The following GAS7 variants were observed in gnomAD, a reference collection of about 807,000 sequenced individuals.
The protein encoded by GAS7 is growth arrest specific 7.
GAS7 carries 28 observed loss-of-function variants against 71.1 expected under a neutral mutation model. That is an observed-to-expected ratio of 0.39 (90% CI 0.29 to 0.54). The LOEUF (loss-of-function observed/expected upper bound fraction) is 0.54, where lower values mean the gene tolerates loss of function less well. GAS7 is among the 20% of genes least tolerant of loss of function. The pLI is 0.62. For synonymous variants in GAS7, 258 were observed against 245.8 expected, an observed-to-expected ratio of 1.05 and a Z score of -0.46; for missense variants, 436 against 627.8, an observed-to-expected ratio of 0.69 and a Z score of 3.27.
At chr17:9,955,883 G>A (rs1286913565) in intron 5 of GAS7, among the ~76,000 whole-genome samples, 3 of 152,198 alleles carry the variant, frequency 2.0e-5, no homozygotes, top group African/African-American at 7.2e-5. Context: ...GGTAAATGGA[G>A]TGACACCCCC....
chr17:10,010,326 G>A (rs9912422), intron 2 of GAS7, among the ~76,000 whole-genome samples: 36,018 of 151,702 alleles, frequency 0.24, 6,045 homozygotes, highest in African/African-American at 0.48. Flanking sequence ...AAATTTTTGT[G>A]TTTTTTTAGT....
intron 1 of GAS7, among the ~76,000 whole-genome samples, chr17:10,032,692 C>A (rs557603160): frequency 2.1e-4 from 32 of 152,312 alleles, no homozygotes; most frequent in African/African-American, 7.2e-4. Flanking sequence ...ACAAAAGAGA[C>A]GACAGAGGCC....
chr17:9,924,463 C>A (rs1377269462), intron 11 of GAS7, among the ~76,000 whole-genome samples: 1 of 152,108 alleles, frequency 6.6e-6, no homozygotes, highest in Non-Finnish European at 1.5e-5. Context: ...TTAGCCACTG[C>A]ACCTGGCCTA....
intron 2 of GAS7, among the ~76,000 whole-genome samples, chr17:10,006,157 A>G (rs1264929490): frequency 6.6e-6 from 1 of 152,068 alleles, no homozygotes; most frequent in East Asian, 1.9e-4. Flanking sequence ...TAGAAGAGAA[A>G]AATGAAAGAA....
chr17:10,018,775 C>T (rs2072142751), intron 2 of GAS7, among the ~76,000 whole-genome samples: 1 of 152,124 alleles, frequency 6.6e-6, no homozygotes, highest in African/African-American at 2.4e-5. Flanking sequence ...GTAACGATAC[C>T]CCCAGGTGGG....
chr17:9,941,063 C>T (rs1200558753), intron 7 of GAS7, among the ~76,000 whole-genome samples: 6 of 152,200 alleles, frequency 3.9e-5, no homozygotes, highest in African/African-American at 9.7e-5. Flanking sequence ...GCTGCTCAAG[C>T]AGCTGGCACC....
At chr17:9,975,092 C>T (rs2018924) in intron 3 of GAS7, among the ~76,000 whole-genome samples, 76,815 of 152,080 alleles carry the variant, frequency 0.51, 20,486 homozygotes, top group African/African-American at 0.66. Flanking sequence ...CGGTGGCTCA[C>T]GCCTGAAATC....
rs1473984601 is a variant in GAS7, at chr17:10,025,301, ACCTTAAAGT to A, written c.184-5413_184-5405del. 9.9e-5 allele frequency among the ~76,000 whole-genome samples: 15 copies of A among 151,978 alleles called. No individual in the cohort carries two copies. The East Asian group carries it at 2.7e-3, about 28-fold the overall frequency. ...TTGTTCTAGAGACTTCTATCCAGTTACCTTAAAGTTGGGCCACATCTCTCCCCAGCTACA... is the reference window on the plus strand; with the variant it reads ...TTGTTCTAGAGACTTCTATCCAGTTATGGGCCACATCTCTCCCCAGCTACA... On this transcript the variant is annotated intron_variant, in intron 1 of 13. Coordinates refer to ENST00000432992, the MANE Select transcript of GAS7 (RefSeq NM_201433.2).
intron 3 of GAS7, among the ~76,000 whole-genome samples, chr17:9,978,775 G>T (rs2070301690): frequency 6.6e-6 from 1 of 152,152 alleles, no homozygotes; most frequent in Non-Finnish European, 1.5e-5. Flanking sequence ...AATGACACAG[G>T]ACTCTTCATG....
intron 1 of GAS7, among the ~76,000 whole-genome samples, chr17:10,185,260 G>A (rs1398701586): frequency 1.3e-5 from 2 of 152,162 alleles, no homozygotes; most frequent in Non-Finnish European, 2.9e-5. Context: ...ATAAGCTTCT[G>A]GGTTGCTGAA....
At position 9,969,769 on chromosome 17, in the gene GAS7, G is replaced by A; in HGVS notation, c.386-7C>T. The A allele has an allele frequency of 6.3e-7, 1 of 1,589,530 alleles. No individual in the cohort carries two copies. Reference sequence around the variant, plus strand: ...GATGCGTGGTATCCATTCACTGCAGGGACAGAGACACGGCTCAGATGCTGT... The same window carrying A: ...GATGCGTGGTATCCATTCACTGCAGAGACAGAGACACGGCTCAGATGCTGT... On this transcript the variant is annotated splice_region_variant and splice_polypyrimidine_tract_variant and intron_variant, in intron 3 of 13. Coordinates refer to ENST00000432992, the MANE Select transcript of GAS7 (RefSeq NM_201433.2). The surrounding 1 kb of genome is among the most constrained non-coding windows in gnomAD (Gnocchi z 5.5).
intron 1 of GAS7, among the ~76,000 whole-genome samples, chr17:10,116,599 G>C (rs2073863862): frequency 6.6e-6 from 1 of 152,162 alleles, no homozygotes; most frequent in South Asian, 2.1e-4. Flanking sequence ...CTTGCGGGTA[G>C]GGAGTGGGTC....
intron 2 of GAS7, among the ~76,000 whole-genome samples, chr17:9,984,851 C>T (rs539308811): frequency 3.3e-5 from 5 of 152,264 alleles, no homozygotes; most frequent in South Asian, 4.1e-4. Flanking sequence ...GCAAAAGCAG[C>T]GAGGTGGGCA....
chr17:10,110,330 T>C (rs534378126), intron 1 of GAS7, among the ~76,000 whole-genome samples: 45 of 152,260 alleles, frequency 3.0e-4, no homozygotes, highest in African/African-American at 1.1e-3. Flanking sequence ...CACTGATATG[T>C]AGGAGCTAAA....
At chr17:10,060,080 G>A (rs867532763) in intron 1 of GAS7, among the ~76,000 whole-genome samples, 1 of 152,108 alleles carries the variant, frequency 6.6e-6, no homozygotes, top group Non-Finnish European at 1.5e-5. Flanking sequence ...TGCTCCTTCC[G>A]GTCTAGAGTG....
At position 10,026,097 on chromosome 17, in the gene GAS7, A is replaced by C. The variant is rs530323642; in HGVS notation, c.184-6200T>G. On this transcript the variant is annotated intron_variant, in intron 1 of 13. Coordinates refer to ENST00000432992, the MANE Select transcript of GAS7 (RefSeq NM_201433.2). This position sits in a 1 kb window ranked among gnomAD's most constrained non-coding sequence, Gnocchi z 4.5. ...CAAGTTCAACCCGGATGCCACCTCC[A>C]CCTCCGGGACTCTCTCCCCCTCCGG... 2.5e-3 allele frequency: 2,234 copies of C among 905,818 alleles called. 4 individuals carry two copies. The highest frequency in any genetic ancestry group is 2.8e-3 in the Non-Finnish European group (2,085 of 757,540). 56.1% of individuals were successfully genotyped at this position (905,818 alleles called of 1,614,324 possible).
chr17:10,033,798 A>C (rs1405481837), intron 1 of GAS7, among the ~76,000 whole-genome samples: 2 of 152,196 alleles, frequency 1.3e-5, no homozygotes, highest in Non-Finnish European at 2.9e-5. Flanking sequence ...GCAGGCACTG[A>C]AGGAAAATGG....
chr17:10,154,062 T>A (rs905725698), intron 1 of GAS7, among the ~76,000 whole-genome samples: 2 of 152,152 alleles, frequency 1.3e-5, no homozygotes, highest in African/African-American at 4.8e-5. Context: ...TCCAAATAAT[T>A]TCATCATGGG....
chr17:9,948,383 C>T (rs1442722941), intron 5 of GAS7, among the ~76,000 whole-genome samples: 1 of 152,180 alleles, frequency 6.6e-6, no homozygotes, highest in East Asian at 1.9e-4. Context: ...ACAAATACAC[C>T]TTAAAATTAT....
Sources: allele counts gnomAD v4.1 joint callset (sites outside exome capture counted in the v4.1 genomes callset), GRCh38; gene constraint gnomAD v4.1.1; non-coding constraint Gnocchi (gnomAD v3.1); transcripts MANE v1.5; gene names NCBI Gene and HGNC (gene_info 2026-07-23, HGNC 2026-07-21).